MAP3K14: variants seen among roughly 807,000 people sequenced by gnomAD.
MAP3K14 encodes the protein mitogen-activated protein kinase kinase kinase 14.
A neutral mutation model predicts 99.2 loss-of-function variants in MAP3K14; 16 were observed. That is an observed-to-expected ratio of 0.16 (90% confidence interval 0.11 to 0.24). The LOEUF is 0.24. MAP3K14 is among the 10% of genes least tolerant of loss of function. MAP3K14 has a pLI of 1.00. For synonymous variants in MAP3K14, 462 were observed against 492.4 expected, an observed-to-expected ratio of 0.94 and a Z score of 0.82; for missense variants, 784 against 1,208.7, an observed-to-expected ratio of 0.65 and a Z score of 5.21.
intron 6 of MAP3K14, among the ~76,000 whole-genome samples, chr17:45,275,103 C>T (rs547655850): frequency 1.2e-4 from 18 of 150,408 alleles, no homozygotes; most frequent in African/African-American, 4.4e-4. Flanking sequence ...TGCGCCAGTG[C>T]ACTCCAGCCT....
At chr17:45,300,203 G>C (rs1266744732) in intron 1 of MAP3K14, among the ~76,000 whole-genome samples, 1 of 152,200 alleles carries the variant, frequency 6.6e-6, no homozygotes, top group Non-Finnish European at 1.5e-5. Flanking sequence ...GCCTGATGAT[G>C]GCTGGCCGGC....
At chr17:45,287,717 C>G (rs2044278649) in intron 3 of MAP3K14, among the ~76,000 whole-genome samples, 3 of 152,194 alleles carry the variant, frequency 2.0e-5, no homozygotes. Flanking sequence ...GTCAGGGGAG[C>G]AGACACGGTT....
chr17:45,270,442 C>A lies in MAP3K14; in HGVS notation c.1943G>T (p.Gly648Val). Residue 648 changes from glycine to valine, a missense_variant, in exon 11 of 16, where the codon GGA (glycine) becomes GTA (valine). This residue lies in a region of MAP3K14 where 200 missense variants were observed against 367.9 expected (regional missense o/e 0.54). Transcript: ENST00000344686. ...PIHRVSAAEL[G>V]GKVNRALQQV... Reference sequence around the variant, plus strand: ...CTGTAGTGCCCGGTTCACCTTCCCTCCCAGCTCCGCTGCAGACACGCGGTG... The same window carrying A: ...CTGTAGTGCCCGGTTCACCTTCCCTACCAGCTCCGCTGCAGACACGCGGTG... 1 of 1,612,202 alleles carries A rather than the reference C, an allele frequency of 6.2e-7. No homozygotes were observed. The highest frequency in any genetic ancestry group is 2.2e-5 in the East Asian group (1 of 44,792).
intron 2 of MAP3K14, 24 bp from the exon 3 acceptor site, chr17:45,289,329 G>A: frequency 6.3e-7 from 1 of 1,598,576 alleles, no homozygotes; most frequent in Non-Finnish European, 8.6e-7. Context: ...AGTTGGATTA[G>A]CAGAGAGGAG....
chr17:45,288,245 C>A (rs764192768), intron 3 of MAP3K14, among the ~76,000 whole-genome samples: 1 of 152,220 alleles, frequency 6.6e-6, no homozygotes, highest in Non-Finnish European at 1.5e-5. Context: ...AGGAATCCCA[C>A]CAAACTGAGC....
chr17:45,293,048 C>T (rs2044322663), intron 1 of MAP3K14, among the ~76,000 whole-genome samples: 1 of 152,164 alleles, frequency 6.6e-6, no homozygotes, highest in African/African-American at 2.4e-5. Flanking sequence ...GAGGTGGGGC[C>T]CTGCACACAG....
chr17:45,270,864 T>C, intron 10 of MAP3K14, 194 bp downstream of exon 10: 1 of 844,894 alleles, frequency 1.2e-6, no homozygotes, highest in Admixed American at 2.4e-5. Context: ...GCCATGAACT[T>C]GGTGAGCCTC....
At position 45,274,243 on chromosome 17, in the gene MAP3K14, C is replaced by T. The variant is rs1270355203; in HGVS notation, c.1432G>A (p.Gly478Ser). The change falls in exon 8 of 16, where the codon GGC becomes AGC. Residue 478 changes from glycine to serine, a missense_variant. Gly to Ser is a moderately conservative substitution (Grantham distance 56, BLOSUM62 0). Transcript: ENST00000344686. ...FMELLEGGSL[G>S]QLVKEQGCLP... ...CAGCCCTGCTCCTTGACCAGCTGGC[C>T]CAGGGAGCCACCTAGGAGACCAAAG... 6.3e-7 allele frequency: 1 copy of T among 1,599,892 alleles called. No individual in the cohort carries two copies. Among genetic ancestry groups the T allele is most frequent in the Non-Finnish European group, 8.5e-7 (1 of 1,173,280 alleles).
intron 1 of MAP3K14, among the ~76,000 whole-genome samples, chr17:45,304,642 G>C (rs77691084): frequency 4.5e-4 from 68 of 152,128 alleles, no homozygotes; most frequent in Admixed American, 1.4e-3. Flanking sequence ...AGTCTAGATG[G>C]GGAAAAAATG....
rs11079501 is a variant in MAP3K14, at chr17:45,272,515, T to C, written c.1657+988A>G. ...CACAATCATATACTTCCAAAGATTC[T>C]TTTTCCGTTGGTCAAAATGAAATCA... On this transcript the variant is annotated intron_variant, in intron 9 of 15. Coordinates refer to ENST00000344686, the MANE Select transcript of MAP3K14 (RefSeq NM_003954.5). This position sits in a 1 kb window ranked among gnomAD's most constrained non-coding sequence, Gnocchi z 4.1. 0.025 allele frequency among the ~76,000 whole-genome samples: 3,754 copies of C among 152,328 alleles called. 153 individuals carry two copies. Among genetic ancestry groups the C allele is most frequent in the East Asian group, 0.16 (844 of 5,184 alleles).
intron 1 of MAP3K14, among the ~76,000 whole-genome samples, chr17:45,298,054 C>T (rs2044359258): frequency 6.6e-6 from 1 of 152,020 alleles, no homozygotes; most frequent in African/African-American, 2.4e-5. Context: ...AATCTAGACA[C>T]CAACAATAAG....
chr17:45,264,420 G>A lies in MAP3K14; in HGVS notation c.*216C>T, dbSNP rs568085482. 1.1e-3 allele frequency: 629 copies of A among 553,826 alleles called. 2 individuals are homozygous for A. Among genetic ancestry groups the A allele is most frequent in the Non-Finnish European group, 1.1e-3 (340 of 314,926 alleles). The allele number at this position is 553,826 out of a possible 1,614,324, so 34.3% of individuals were successfully genotyped here. A position where few individuals can be genotyped will look rare whatever the true frequency, so the allele number is the denominator to read the frequency against. On this transcript the variant is annotated 3_prime_UTR_variant, in exon 16 of 16. Coordinates refer to ENST00000344686, the MANE Select transcript of MAP3K14 (RefSeq NM_003954.5). ...ATCCTCCTCTGTCTCTTCACGTGGCGGAGTGTTTTCTCAGCAGGGTGGGGC... is the reference window on the plus strand; with the variant it reads ...ATCCTCCTCTGTCTCTTCACGTGGCAGAGTGTTTTCTCAGCAGGGTGGGGC...
At chr17:45,315,756 C>T (rs1272845383) in intron 1 of MAP3K14, among the ~76,000 whole-genome samples, 1 of 152,148 alleles carries the variant, frequency 6.6e-6, no homozygotes, top group Non-Finnish European at 1.5e-5. Flanking sequence ...ATATATACCA[C>T]CCCCACTCCC....
At chr17:45,274,054 A>C in intron 8 of MAP3K14, 69 bp downstream of exon 8, 1 of 1,564,226 alleles carries the variant, frequency 6.4e-7, no homozygotes, top group Non-Finnish European at 8.7e-7. Context: ...CAGAACTGAG[A>C]GGAGATCAGA....
intron 6 of MAP3K14, among the ~76,000 whole-genome samples, chr17:45,279,132 G>C (rs928011796): frequency 1.3e-5 from 2 of 152,066 alleles, no homozygotes; most frequent in Non-Finnish European, 2.9e-5. Context: ...TGTTTTCTTT[G>C]GTATTCTTTT....
chr17:45,296,797 G>C (rs1465061261), intron 1 of MAP3K14, among the ~76,000 whole-genome samples: 2 of 152,172 alleles, frequency 1.3e-5, no homozygotes, highest in Non-Finnish European at 2.9e-5. Context: ...ATAGGGAGTG[G>C]CTGCTTGCCT....
chr17:45,281,044 C>G (rs2044218512), intron 6 of MAP3K14, among the ~76,000 whole-genome samples: 1 of 152,132 alleles, frequency 6.6e-6, no homozygotes, highest in Admixed American at 6.6e-5. Flanking sequence ...GGAAATCTGT[C>G]ATATTATTGC....
intron 7 of MAP3K14, 24 bp downstream of exon 7, chr17:45,274,440 A>G (rs909290876): frequency 1.2e-6 from 2 of 1,611,788 alleles, no homozygotes; most frequent in Non-Finnish European, 1.7e-6. Context: ...GAATTTGGAG[A>G]AAGAGTGGGA....
intron 6 of MAP3K14, among the ~76,000 whole-genome samples, chr17:45,280,007 G>A (rs558043105): frequency 1.7e-4 from 26 of 152,272 alleles, no homozygotes; most frequent in Admixed American, 3.9e-4. Flanking sequence ...ATTACAACTC[G>A]GGTTCCTTCA....
Sources: allele counts gnomAD v4.1 joint callset (sites outside exome capture counted in the v4.1 genomes callset), GRCh38; gene constraint gnomAD v4.1.1; regional missense constraint gnomAD v4.1.1; non-coding constraint Gnocchi (gnomAD v3.1); transcripts MANE v1.5; gene names NCBI Gene and HGNC (gene_info 2026-07-23, HGNC 2026-07-21).